Variants in SPRTN observed in about 807,000 individuals in gnomAD.
The protein encoded by SPRTN is SprT-like N-terminal domain.
SPRTN carries 11 observed loss-of-function variants against 31.9 expected under a neutral mutation model. That is an observed-to-expected ratio of 0.34 (90% CI 0.22 to 0.57). The LOEUF (loss-of-function observed/expected upper bound fraction) is 0.57, where lower values mean the gene tolerates loss of function less well. Ranked by LOEUF, SPRTN falls within the 20% of genes least tolerant of loss-of-function variation. SPRTN has a pLI of 0.86. For synonymous variants in SPRTN, 185 were observed against 212.1 expected (o/e 0.87, Z 1.11); for missense variants, 482 against 590.1 (o/e 0.82, Z 1.90).
chr1:231,352,581 C>T lies in SPRTN; in HGVS notation c.719-29C>T. ...TATTTCTTTTGAGTTGAGGCACTTACATAACAATCTTCTTTGCTTTTTTGG... is the reference window on the plus strand; with the variant it reads ...TATTTCTTTTGAGTTGAGGCACTTATATAACAATCTTCTTTGCTTTTTTGG... On this transcript the variant is annotated intron_variant, in intron 4 of 4. Coordinates refer to ENST00000295050, the MANE Select transcript of SPRTN (RefSeq NM_032018.7). 4 of 1,535,498 alleles carry T rather than the reference C, an allele frequency of 2.6e-6. 1 individual carries two copies. The South Asian group carries it at 3.9e-5, about 15-fold the overall frequency.
At chr1:231,342,579 C>A (rs990052416) in intron 2 of SPRTN, among the ~76,000 whole-genome samples, 1 of 151,524 alleles carries the variant, frequency 6.6e-6, no homozygotes, top group African/African-American at 2.4e-5. Context: ...TAAAGGTGTG[C>A]GCCACCACGC....
chr1:231,343,353 A>G (rs1260123601), intron 2 of SPRTN, among the ~76,000 whole-genome samples: 2 of 152,132 alleles, frequency 1.3e-5, no homozygotes, highest in Non-Finnish European at 1.5e-5. Context: ...TACATAGGCT[A>G]TACCATTTAG....
chr1:231,348,997 G>A (rs1018497083), intron 3 of SPRTN, among the ~76,000 whole-genome samples: 1 of 152,120 alleles, frequency 6.6e-6, no homozygotes, highest in Middle Eastern at 3.4e-3. Context: ...TTTAAGATAG[G>A]GTCTTGCTCT....
Position 231,352,621 on chromosome 1 carries a change from A to G in SPRTN, c.730A>G (p.Arg244Gly), listed in dbSNP as rs1687272277. The change falls in exon 5 of 5, where the codon AGA (arginine) becomes GGA (glycine). Residue 244 changes from arginine (R) to glycine (G), a missense_variant. Arg to Gly is a moderately radical substitution (Grantham distance 125). This residue lies in a region of SPRTN where 325 missense variants were observed against 350.2 expected (regional missense o/e 0.93). Coordinates refer to ENST00000295050, the MANE Select transcript of SPRTN (RefSeq NM_032018.7). Reference sequence around the variant, plus strand: ...TGCTTTTTTGGCAGATAAACCCAACAGAGGTGAGGCCCAGCTAGTAATCCC... The same window carrying G: ...TGCTTTTTTGGCAGATAAACCCAACGGAGGTGAGGCCCAGCTAGTAATCCC... Reference protein sequence around the residue: ...LAAENKDKPNRGEAQLVIPFS... With the variant: ...LAAENKDKPNGGEAQLVIPFS... 6.3e-7 allele frequency: 1 copy of G among 1,582,076 alleles called. No individual in the cohort carries two copies. The highest frequency in any genetic ancestry group is 8.6e-7 in the Non-Finnish European group (1 of 1,168,540).
intron 4 of SPRTN, chr1:231,352,090 T>G (rs902120236): frequency 1.0e-6 from 1 of 989,430 alleles, no homozygotes; most frequent in Non-Finnish European, 1.2e-6. Context: ...TTGCCAGTAC[T>G]TCATCTTCAA....
At chr1:231,351,974 A>G (rs1558368090) in intron 4 of SPRTN, 1 of 1,008,638 alleles carries the variant, frequency 9.9e-7, no homozygotes, top group Non-Finnish European at 1.2e-6. Context: ...AATGCCCGGA[A>G]TATACGTCCT....
Position 231,354,877 on chromosome 1 carries a change from C to A in SPRTN, c.*1516C>A. 1 of 383,770 alleles carries A rather than the reference C, an allele frequency of 2.6e-6. No homozygotes were observed. The allele number at this position is 383,770 out of a possible 1,614,324, so 23.8% of individuals were successfully genotyped here. ...CTTTAGTAAATTCTGCCAGTTTACA[C>A]TCCTACCAGCAATGTATGAGAGTTT... On this transcript the variant is annotated 3_prime_UTR_variant, in exon 5 of 5. Coordinates refer to ENST00000295050, the MANE Select transcript of SPRTN (RefSeq NM_032018.7).
intron 2 of SPRTN, among the ~76,000 whole-genome samples, chr1:231,341,563 A>G (rs1686891010): frequency 6.6e-6 from 1 of 152,230 alleles, no homozygotes; most frequent in Admixed American, 6.5e-5. Context: ...CAAGGGAAGA[A>G]GTTTTACTAG....
rs775919664 is a variant in SPRTN at position 231,352,709 on chromosome 1, T to A, written c.818T>A (p.Ile273Asn). 27 of 1,613,974 alleles carry A rather than the reference T, an allele frequency of 1.7e-5. No individual in the cohort carries two copies. In the Admixed American group the frequency reaches 2.5e-4, roughly 15 times the overall value. The change falls in exon 5 of 5, where the codon ATC becomes AAC. Residue 273 changes from isoleucine to asparagine, a missense_variant. Transcript: ENST00000295050. ...TSNLPSPGKL[I>N]TSHAINKTQD... Reference sequence around the variant, plus strand: ...AATTTACCTTCACCTGGGAAACTGATCACTTCACATGCCATTAATAAAACC... The same window carrying A: ...AATTTACCTTCACCTGGGAAACTGAACACTTCACATGCCATTAATAAAACC...
intron 3 of SPRTN, among the ~76,000 whole-genome samples, chr1:231,350,338 A>T (rs1687187795): frequency 6.6e-6 from 1 of 152,216 alleles, no homozygotes; most frequent in Non-Finnish European, 1.5e-5. Context: ...TCACTCTTAC[A>T]CAGAGAGTTC....
At position 231,338,306 on chromosome 1, in the gene SPRTN, G is replaced by A; in HGVS notation, c.-78G>A. The A allele has an allele frequency of 2.6e-6, 4 of 1,523,498 alleles. No homozygotes were observed. The highest frequency in any genetic ancestry group is 3.6e-6 in the Non-Finnish European group (4 of 1,113,414). The allele number at this position is 1,523,498 out of a possible 1,614,324, so 94.4% of individuals were successfully genotyped here. The stretch of plus-strand genomic sequence containing the variant: ...CTCCTAGGAGCTAGTCCTGGTCCTC[G>A]GCTAGGCGGCTTGGGGTCGCGGCGT... On this transcript the variant is annotated 5_prime_UTR_variant, in exon 1 of 5. Coordinates refer to ENST00000295050, the MANE Select transcript of SPRTN (RefSeq NM_032018.7).
rs368573828 is a variant in SPRTN at position 231,347,855 on chromosome 1, G to A, written c.380G>A (p.Arg127Gln). Reference protein sequence around the residue: ...YLFVTNNDKDREGHGPEFCKH... With the variant: ...YLFVTNNDKDQEGHGPEFCKH... ...TTTGTCACTAATAACGACAAAGACC[G>A]AGAAGGGCATGGTCCAGAATTTTGT... is the stretch of plus-strand genomic sequence containing the variant. The change falls in exon 3 of 5, where the codon CGA (arginine) becomes CAA (glutamine). Residue 127 changes from arginine to glutamine, a missense_variant. Arg to Gln is a conservative substitution (Grantham distance 43). This residue lies in a region of SPRTN where 157 missense variants were observed against 239.9 expected (regional missense o/e 0.65). Transcript: ENST00000295050. The A allele has an allele frequency of 3.2e-5, 51 of 1,613,808 alleles. No homozygotes were observed. Among genetic ancestry groups the A allele is most frequent in the African/African-American group, 2.5e-4 (19 of 74,886 alleles).
At chr1:231,352,299 C>T in intron 4 of SPRTN, 1 of 1,056,658 alleles carries the variant, frequency 9.5e-7, no homozygotes, top group Non-Finnish European at 1.1e-6. Flanking sequence ...CAGATTTTCC[C>T]TCCTGGAATT....
Position 231,338,407 on chromosome 1 carries a change from A to C in SPRTN, c.24A>C (p.Ala8=), listed in dbSNP as rs371684819. The C allele has an allele frequency of 1.9e-6, 3 of 1,614,128 alleles. No homozygotes were observed. The African/African-American group carries it at 4.0e-5, about 22-fold the overall frequency. The stretch of plus-strand genomic sequence containing the variant: ...CGATGGATGATGACTTGATGTTGGC[A>C]CTGCGGCTTCAGGAGGAGTGGAACT... MDDDLML[A]LRLQEEWNLQ... Residue 8 remains alanine (A), a synonymous_variant, in exon 1 of 5, where the codon GCA becomes GCC. Transcript: ENST00000295050.
chr1:231,351,058 T>A (rs1481100976), intron 3 of SPRTN, among the ~76,000 whole-genome samples: 1 of 152,074 alleles, frequency 6.6e-6, no homozygotes, highest in Admixed American at 6.5e-5. Flanking sequence ...TGTCCTCTAA[T>A]CCCATGTGCA....
intron 2 of SPRTN, among the ~76,000 whole-genome samples, chr1:231,341,917 T>C (rs1571991171): frequency 6.7e-6 from 1 of 149,934 alleles, no homozygotes; most frequent in Non-Finnish European, 1.5e-5. Context: ...ACTCGGGAGG[T>C]GGAGGTTACA....
intron 2 of SPRTN, among the ~76,000 whole-genome samples, chr1:231,340,785 C>T (rs1686859720): frequency 7.1e-6 from 1 of 139,866 alleles, no homozygotes; most frequent in South Asian, 2.4e-4. Context: ...GCAACAAGAG[C>T]GAAACTCTGT....
chr1:231,354,031 TA>T lies in SPRTN; in HGVS notation c.*672del. 1 of 960,742 alleles carries T rather than the reference TA, an allele frequency of 1.0e-6. No homozygotes were observed. The highest frequency in any genetic ancestry group is 1.1e-4 in the East Asian group (1 of 8,700). 59.5% of individuals were successfully genotyped at this position (960,742 alleles called of 1,614,324 possible). A position where few individuals can be genotyped will look rare whatever the true frequency, so the allele number is the denominator to read the frequency against. ...TATTTTTAGTAACAAATAGCCACTA[TA>T]ATTCTGTAGGCCAAATTTTATATTG... is the stretch of plus-strand genomic sequence containing the variant. On this transcript the variant is annotated 3_prime_UTR_variant, in exon 5 of 5. Transcript: ENST00000295050.
At chr1:231,340,236 C>T (rs368154106) in intron 2 of SPRTN, among the ~76,000 whole-genome samples, 2 of 151,476 alleles carry the variant, frequency 1.3e-5, no homozygotes, top group Non-Finnish European at 2.9e-5. Flanking sequence ...GCGTGGTGGC[C>T]GGCGCCTGTA....
Sources: allele counts gnomAD v4.1 joint callset (sites outside exome capture counted in the v4.1 genomes callset), GRCh38; gene constraint gnomAD v4.1.1; regional missense constraint gnomAD v4.1.1; transcripts MANE v1.5; gene names NCBI Gene and HGNC (gene_info 2026-07-23, HGNC 2026-07-21).